The following GPATCH2 variants were observed in gnomAD, a reference collection of about 807,000 sequenced individuals.
GPATCH2 encodes G patch domain-containing protein 2.
Under a neutral mutation model 58.0 loss-of-function variants are expected in GPATCH2, and 51 were observed. The observed-to-expected ratio is 0.88, with a 90% CI of 0.70 to 1.11. The LOEUF (loss-of-function observed/expected upper bound fraction) is 1.11. Among genes scored for constraint, GPATCH2 ranks in the 50% most tolerant of loss-of-function variants. The pLI, the probability that GPATCH2 is intolerant of heterozygous loss-of-function variation, is 0.00. For missense variants in GPATCH2, 625 were observed against 652.2 expected (o/e 0.96, Z 0.45); for synonymous variants, 222 against 218.5 (o/e 1.02, Z -0.14).
At chr1:217,550,861 T>C (rs1443985736) in intron 5 of GPATCH2, among the ~76,000 whole-genome samples, 1 of 150,648 alleles carries the variant, frequency 6.6e-6, no homozygotes, top group African/African-American at 2.4e-5. Context: ...TATTATAATA[T>C]AATTATTTAA....
Position 217,496,181 on chromosome 1 carries a change from G to A in GPATCH2, c.1206+2175C>T, listed in dbSNP as rs111768589. Among the ~76,000 whole-genome samples the A allele has an allele frequency of 2.5e-3, 373 of 152,216 alleles. 1 individual carries two copies. Among genetic ancestry groups the A allele is most frequent in the African/African-American group, 8.6e-3 (357 of 41,520 alleles). ...ATCCCTTATGTAAGTAGAATGTATT[G>A]TACATATACATACATGTACAATTCA... is the stretch of plus-strand genomic sequence containing the variant. On this transcript the variant is annotated intron_variant, in intron 7 of 9. Coordinates refer to ENST00000366935, the MANE Select transcript of GPATCH2 (RefSeq NM_018040.5).
intron 5 of GPATCH2, among the ~76,000 whole-genome samples, chr1:217,596,248 T>A (rs566301217): frequency 1.3e-5 from 2 of 152,294 alleles, no homozygotes; most frequent in African/African-American, 4.8e-5. Flanking sequence ...TTGACCAAAA[T>A]ATCTGGCTGA....
At chr1:217,479,998 C>G (rs1159137024) in intron 8 of GPATCH2, among the ~76,000 whole-genome samples, 1 of 151,878 alleles carries the variant, frequency 6.6e-6, no homozygotes, top group Non-Finnish European at 1.5e-5. Flanking sequence ...ACTGGAGGAC[C>G]CAGATATATA....
intron 7 of GPATCH2, among the ~76,000 whole-genome samples, chr1:217,496,166 T>TA (rs1661997285): frequency 6.6e-6 from 1 of 152,214 alleles, no homozygotes; most frequent in South Asian, 2.1e-4. Flanking sequence ...ATCCCTTATG[T>TA]AAGTAGAATG....
intron 5 of GPATCH2, among the ~76,000 whole-genome samples, chr1:217,546,351 C>A (rs1468287038): frequency 1.3e-5 from 2 of 152,156 alleles, no homozygotes; most frequent in African/African-American, 4.8e-5. Context: ...CACTACCCAA[C>A]TTCAAAGTAT....
chr1:217,598,907 A>G (rs774362652), intron 5 of GPATCH2, among the ~76,000 whole-genome samples: 15 of 152,246 alleles, frequency 9.9e-5, no homozygotes, highest in Non-Finnish European at 1.9e-4. Context: ...TTATCTGTGA[A>G]TTAATTAATG....
rs565906766 is a variant in GPATCH2, at chr1:217,610,694, G to A, written c.1018+195C>T. Among the ~76,000 whole-genome samples, 22 of 152,220 alleles carry A rather than the reference G, an allele frequency of 1.4e-4. No individual in the cohort carries two copies. The South Asian group carries it at 4.6e-3, about 32-fold the overall frequency. ...TTTCAACATTTTCTCAATGAGCCTA[G>A]CAAGAAAGCAAGTCAATTTTTCTAA... On this transcript the variant is annotated intron_variant, in intron 4 of 9. Transcript: ENST00000366935.
At chr1:217,506,190 AT>A (rs1662552695) in intron 6 of GPATCH2, among the ~76,000 whole-genome samples, 1 of 152,236 alleles carries the variant, frequency 6.6e-6, no homozygotes, top group Non-Finnish European at 1.5e-5. Context: ...GATACAGAAC[AT>A]TTCCATTATT....
intron 8 of GPATCH2, among the ~76,000 whole-genome samples, chr1:217,468,275 A>T (rs140878162): frequency 1.5e-4 from 23 of 152,318 alleles, no homozygotes; most frequent in African/African-American, 5.5e-4. Context: ...AAGAGATATA[A>T]GTGAGGGAAG....
intron 2 of GPATCH2, among the ~76,000 whole-genome samples, chr1:217,619,117 T>TG (rs1283725283): frequency 6.6e-6 from 1 of 152,204 alleles, no homozygotes. Context: ...TCTCATTTCT[T>TG]GCAAGTAGCA....
chr1:217,559,873 G>A (rs12036150), intron 5 of GPATCH2, among the ~76,000 whole-genome samples: 2,182 of 143,114 alleles, frequency 0.015, 49 homozygotes, highest in East Asian at 0.12. Flanking sequence ...AAATCCAGAG[G>A]GAGAGAGAGA....
chr1:217,615,651 T>A (rs2102827510), intron 2 of GPATCH2, among the ~76,000 whole-genome samples: 1 of 152,244 alleles, frequency 6.6e-6, no homozygotes, highest in Admixed American at 6.5e-5. Context: ...GCAAAATGTA[T>A]TTAAAATTCT....
intron 3 of GPATCH2, among the ~76,000 whole-genome samples, chr1:217,613,422 T>C (rs532390956): frequency 9.2e-5 from 14 of 152,138 alleles, no homozygotes; most frequent in Non-Finnish European, 2.1e-4. Context: ...TCCTCTAATG[T>C]ATTCTTAAGA....
chr1:217,519,650 A>G (rs1049882421), intron 5 of GPATCH2, among the ~76,000 whole-genome samples: 3 of 152,202 alleles, frequency 2.0e-5, no homozygotes, highest in Non-Finnish European at 4.4e-5. Flanking sequence ...ACAGCCAACT[A>G]TGGCTTACAC....
chr1:217,581,407 G>T (rs1040535803), intron 5 of GPATCH2, among the ~76,000 whole-genome samples: 9 of 152,188 alleles, frequency 5.9e-5, no homozygotes, highest in Non-Finnish European at 8.8e-5. Flanking sequence ...GCTAAAAGAG[G>T]TTAAGGATTT....
At chr1:217,571,579 A>G (rs192010747) in intron 5 of GPATCH2, among the ~76,000 whole-genome samples, 27 of 151,648 alleles carry the variant, frequency 1.8e-4, no homozygotes, top group African/African-American at 6.5e-4. Flanking sequence ...AGGGTGAAAA[A>G]TAACTGAAAG....
intron 6 of GPATCH2, among the ~76,000 whole-genome samples, chr1:217,509,626 C>A (rs572381649): frequency 4.6e-5 from 7 of 152,208 alleles, no homozygotes; most frequent in African/African-American, 1.7e-4. Flanking sequence ...GCTTCTTCTG[C>A]CAATTATCAA....
chr1:217,597,950 G>A (rs1160421360), intron 5 of GPATCH2, among the ~76,000 whole-genome samples: 1 of 152,172 alleles, frequency 6.6e-6, no homozygotes, highest in Non-Finnish European at 1.5e-5. Flanking sequence ...TGTCAACTGG[G>A]ACTGTATATG....
intron 5 of GPATCH2, among the ~76,000 whole-genome samples, chr1:217,600,831 T>C (rs1028994303): frequency 2.0e-5 from 3 of 152,156 alleles, no homozygotes; most frequent in Non-Finnish European, 4.4e-5. Context: ...AAAGGTTTGT[T>C]AGGATACAAA....
Sources: gnomAD v4.1 joint callset for allele counts (sites outside exome capture counted in the v4.1 genomes callset) on GRCh38, gnomAD v4.1.1 for gene constraint, MANE v1.5 for transcripts, NCBI Gene and HGNC (gene_info 2026-07-23, HGNC 2026-07-21) for gene names.